WDR1: variants seen among roughly 807,000 people sequenced by gnomAD.
WDR1 encodes WD repeat-containing protein 1.
Under a neutral mutation model 71.9 loss-of-function variants are expected in WDR1, and 21 were observed. The ratio of observed to expected loss-of-function variants is 0.29; its 90% CI spans 0.21 to 0.42. The LOEUF (loss-of-function observed/expected upper bound fraction) is 0.42, where lower values mean the gene tolerates loss of function less well. WDR1 is among the 10% of genes least tolerant of loss of function. The pLI is 1.00. For synonymous variants in WDR1, 424 were observed against 347.4 expected, an observed-to-expected ratio of 1.22 and a Z score of -2.45; for missense variants, 696 against 824.5, an observed-to-expected ratio of 0.84 and a Z score of 1.91.
intron 2 of WDR1, among the ~76,000 whole-genome samples, chr4:10,109,681 C>A (rs889331848): frequency 6.6e-5 from 10 of 152,212 alleles, no homozygotes; most frequent in Non-Finnish European, 1.5e-5. Context: ...AGCGGGACAC[C>A]ACCACCTCCG....
At chr4:10,083,436 G>A (rs1423315276) in intron 9 of WDR1, among the ~76,000 whole-genome samples, 7 of 152,232 alleles carry the variant, frequency 4.6e-5, no homozygotes, top group African/African-American at 1.7e-4. Context: ...GGACCAGCAA[G>A]CTGGGGAGGC....
At chr4:10,113,390 G>C (rs143722434) in intron 2 of WDR1, among the ~76,000 whole-genome samples, 1 of 152,286 alleles carries the variant, frequency 6.6e-6, no homozygotes, top group Non-Finnish European at 1.5e-5. Context: ...AGAGAAGACA[G>C]GGAGCAAGAC....
chr4:10,094,304 G>A (rs1712189144), intron 5 of WDR1, among the ~76,000 whole-genome samples: 1 of 152,162 alleles, frequency 6.6e-6, no homozygotes, highest in Admixed American at 6.5e-5. Flanking sequence ...GGGGGCGTGT[G>A]GTCATCCTAG....
intron 3 of WDR1, 139 bp downstream of exon 3, chr4:10,103,757 C>G (rs956213020): frequency 1.4e-6 from 1 of 698,182 alleles, no homozygotes; most frequent in East Asian, 2.8e-5. Flanking sequence ...CTCCCCTCAA[C>G]TCACCACCCC....
At chr4:10,103,348 A>T (rs980916639) in intron 3 of WDR1, among the ~76,000 whole-genome samples, 1 of 151,506 alleles carries the variant, frequency 6.6e-6, no homozygotes, top group Non-Finnish European at 1.5e-5. Flanking sequence ...CCAACATACC[A>T]TGCCATGGCT....
At chr4:10,086,757 TGCTGGGATGAAGTGCATTGTCCA>T (rs1312378653) in intron 8 of WDR1, among the ~76,000 whole-genome samples, 2 of 152,214 alleles carry the variant, frequency 1.3e-5, no homozygotes, top group Admixed American at 6.5e-5. Context: ...CGAGAAGGGC[TGCTGGGATGAAGTGCATTGTCCA>T]CCTGCCTTGA....
chr4:10,085,535 C>G (rs1765176482), intron 8 of WDR1, among the ~76,000 whole-genome samples: 1 of 152,256 alleles, frequency 6.6e-6, no homozygotes, highest in Non-Finnish European at 1.5e-5. Context: ...GCACAGCCCC[C>G]ACCAGCAGGG....
In WDR1 at chr4:10,087,702, C is replaced by T. The variant is rs754413009; in HGVS notation, c.951+5G>A. On this transcript the variant is annotated splice_donor_5th_base_variant and intron_variant, in intron 8 of 14. Coordinates refer to ENST00000499869, the MANE Select transcript of WDR1 (RefSeq NM_017491.5). ...GGGCAGAGCCTTCCCCAGGGCAGGC[C>T]TTACCTTGATGACGTGCAGGGGCTT... 25 of 1,581,370 alleles carry T rather than the reference C, an allele frequency of 1.6e-5. No individual in the cohort carries two copies. In the South Asian group the frequency reaches 2.8e-4, roughly 18 times the overall value.
In WDR1 at chr4:10,097,747, A is replaced by G. The variant is rs1712435920; in HGVS notation, c.522T>C (p.Phe174=). The part of the protein sequence containing the change: ...TGSDDNCAAF[F]EGPPFKFKFT... ...ACTTGAACTTGAATGGGGGTCCCTC[A>G]AAGAATGCCGCGCAGTTATCATCGC... The change falls in exon 5 of 15, where the codon TTT becomes TTC. Residue 174 remains phenylalanine (F), a synonymous_variant. Transcript: ENST00000499869. The G allele has an allele frequency of 6.2e-7, 1 of 1,611,152 alleles. No homozygotes were observed. Among genetic ancestry groups the G allele is most frequent in the Non-Finnish European group, 8.5e-7 (1 of 1,178,718 alleles).
intron 10 of WDR1, 41 bp from the exon 11 acceptor site, chr4:10,081,485 C>A (rs771939337): frequency 6.3e-7 from 1 of 1,589,146 alleles, no homozygotes; most frequent in Non-Finnish European, 8.6e-7. Flanking sequence ...GACAATGCAG[C>A]AGCTCAGGGT....
chr4:10,112,056 T>G (rs1713406727), intron 2 of WDR1, among the ~76,000 whole-genome samples: 1 of 151,988 alleles, frequency 6.6e-6, no homozygotes. Flanking sequence ...GAGGCAAAAG[T>G]TGCTTTTTTT....
chr4:10,099,358 G>A (rs1280354788), intron 3 of WDR1, among the ~76,000 whole-genome samples: 1 of 152,246 alleles, frequency 6.6e-6, no homozygotes, highest in Non-Finnish European at 1.5e-5. Flanking sequence ...GTGGCATCCA[G>A]AGGCCTGCCA....
rs1477949549 is a variant in WDR1 at position 10,099,109 on chromosome 4, G to A, written c.260C>T (p.Thr87Ile). The A allele has an allele frequency of 6.9e-7, 1 of 1,448,186 alleles. No homozygotes were observed. The highest frequency in any genetic ancestry group is 9.3e-7 in the Non-Finnish European group (1 of 1,076,254). 89.7% of individuals were successfully genotyped at this position (1,448,186 alleles called of 1,614,324 possible). A position where few individuals can be genotyped will look rare whatever the true frequency, so the allele number is the denominator to read the frequency against. Residue 87 changes from threonine to isoleucine, a missense_variant, in exon 4 of 15, where the codon ACC (threonine) becomes ATC (isoleucine). By Grantham distance (89) the Thr-to-Ile change is moderately conservative. Transcript: ENST00000499869. ...DVSGKLRIWDTTQKEHLLKYE... is the reference protein window; with the variant it reads ...DVSGKLRIWDITQKEHLLKYE... Reference sequence around the variant, plus strand: ...CTTCAACAGGTGCTCCTTCTGCGTGGTATCCCAGATCCTCAGCTTCCCAGA... The same window carrying A: ...CTTCAACAGGTGCTCCTTCTGCGTGATATCCCAGATCCTCAGCTTCCCAGA...
At chr4:10,082,475 C>T (rs1408658070) in intron 10 of WDR1, among the ~76,000 whole-genome samples, 1 of 152,234 alleles carries the variant, frequency 6.6e-6, no homozygotes, top group Non-Finnish European at 1.5e-5. Context: ...GTCCCTCCAA[C>T]TGCATTTAGG....
rs748635612 is a variant in WDR1, at chr4:10,097,918, C to CAAA, written c.378-30_378-28dup. The CAAA allele has an allele frequency of 4.2e-3, 5,036 of 1,208,264 alleles. 25 individuals are homozygous for CAAA. The highest frequency in any genetic ancestry group is 0.024 in the East Asian group (767 of 32,086). The allele number at this position is 1,208,264 out of a possible 1,614,324, so 74.8% of individuals were successfully genotyped here. A position where few individuals can be genotyped will look rare whatever the true frequency, so the allele number is the denominator to read the frequency against. On this transcript the variant is annotated intron_variant, in intron 4 of 14. Coordinates refer to ENST00000499869, the MANE Select transcript of WDR1 (RefSeq NM_017491.5). Reference sequence around the variant, plus strand: ...TTGACCCAATGACACAGGTGGAAGACAAAAAAAAAAAAAAAAAATCAATCC... The same window carrying CAAA: ...TTGACCCAATGACACAGGTGGAAGACAAAAAAAAAAAAAAAAAAAAATCAATCC...
chr4:10,109,416 C>T (rs535109745), intron 2 of WDR1, among the ~76,000 whole-genome samples: 9 of 152,362 alleles, frequency 5.9e-5, no homozygotes, highest in African/African-American at 1.2e-4. Context: ...GTCTTCCTTA[C>T]GGTTGGTCTC....
chr4:10,107,518 C>A (rs1468015113), intron 2 of WDR1, among the ~76,000 whole-genome samples: 1 of 152,224 alleles, frequency 6.6e-6, no homozygotes, highest in African/African-American at 2.4e-5. Context: ...CTGCTGCCGC[C>A]CTGACGTTGC....
chr4:10,093,931 TTATC>T (rs1276980850), intron 5 of WDR1, among the ~76,000 whole-genome samples: 2 of 152,226 alleles, frequency 1.3e-5, no homozygotes, highest in South Asian at 2.1e-4. Flanking sequence ...CAAATTTTCC[TTATC>T]TATCAGGAAG....
At chr4:10,109,674 G>A (rs761591097) in intron 2 of WDR1, among the ~76,000 whole-genome samples, 40 of 152,216 alleles carry the variant, frequency 2.6e-4, no homozygotes, top group African/African-American at 9.2e-4. Flanking sequence ...ACGTGTGAGC[G>A]GGACACCACC....
Sources: gnomAD v4.1 joint callset for allele counts (sites outside exome capture counted in the v4.1 genomes callset) on GRCh38, gnomAD v4.1.1 for gene constraint, MANE v1.5 for transcripts, NCBI Gene and HGNC (gene_info 2026-07-23, HGNC 2026-07-21) for gene names.